The following VPS13B variants were observed in gnomAD, a reference collection of about 807,000 sequenced individuals.
VPS13B encodes the protein vacuolar protein sorting 13 homolog B.
In VPS13B, 285 loss-of-function variants were observed where a neutral mutation model predicts 426.4. That is an observed-to-expected ratio of 0.67 (90% CI 0.61 to 0.74). VPS13B has a LOEUF of 0.74. Among genes scored for constraint, VPS13B ranks in the 30% least tolerant of loss-of-function variants. The pLI, the probability that VPS13B is intolerant of heterozygous loss-of-function variation, is 0.00. For missense variants in VPS13B, 4,537 were observed against 4,782.6 expected, an observed-to-expected ratio of 0.95 and a Z score of 1.51; for synonymous variants, 1,676 against 1,676.4, an observed-to-expected ratio of 1.00 and a Z score of 0.01.
intron 17 of VPS13B, among the ~76,000 whole-genome samples, chr8:99,259,083 A>G (rs1817913885): frequency 6.6e-6 from 1 of 152,036 alleles, no homozygotes; most frequent in African/African-American, 2.4e-5. Flanking sequence ...ACCACTGCCC[A>G]TTTATTATTC....
intron 19 of VPS13B, among the ~76,000 whole-genome samples, chr8:99,281,343 T>C (rs1294115814): frequency 1.3e-5 from 2 of 152,142 alleles, no homozygotes; most frequent in African/African-American, 4.8e-5. Context: ...GATCGATAGG[T>C]CTTTTTTGTT....
At chr8:99,512,344 G>A (rs3134171) in intron 29 of VPS13B, among the ~76,000 whole-genome samples, 26,535 of 152,140 alleles carry the variant, frequency 0.17, 2,838 homozygotes, top group East Asian at 0.39. Context: ...TAAACAACTC[G>A]CTAACCAGAA....
intron 5 of VPS13B, among the ~76,000 whole-genome samples, chr8:99,109,083 T>C (rs1023533357): frequency 4.6e-5 from 7 of 152,132 alleles, no homozygotes; most frequent in African/African-American, 9.6e-5. Context: ...TTCTTATATG[T>C]TGTATTTTGG....
At position 99,487,528 on chromosome 8, in the gene VPS13B, A is replaced by G. The variant is rs548961020; in HGVS notation, c.3870+5726A>G. Reference sequence around the variant, plus strand: ...GGCATTAGGCACACTCACAGTGCGTAGCATAACCACTATCTATTTCTAGAA... The same window carrying G: ...GGCATTAGGCACACTCACAGTGCGTGGCATAACCACTATCTATTTCTAGAA... On this transcript the variant is annotated intron_variant, in intron 25 of 61. Coordinates refer to ENST00000357162, the MANE Select transcript of VPS13B (RefSeq NM_152564.5). Among the ~76,000 whole-genome samples, 3 of 152,306 alleles carry G rather than the reference A, an allele frequency of 2.0e-5. No individual in the cohort carries two copies. In the South Asian group the frequency reaches 6.2e-4, roughly 32 times the overall value.
chr8:99,360,820 T>C (rs1247851041), intron 19 of VPS13B, among the ~76,000 whole-genome samples: 1 of 152,180 alleles, frequency 6.6e-6, no homozygotes, highest in Non-Finnish European at 1.5e-5. Context: ...AAGTTCTTAG[T>C]CATTTTCAAA....
intron 30 of VPS13B, chr8:99,536,586 A>T: frequency 1.9e-6 from 1 of 524,312 alleles, no homozygotes; most frequent in Middle Eastern, 3.4e-4. Context: ...TCTGTAAAGG[A>T]AATAATGTTT....
Position 99,720,932 on chromosome 8 carries a change from T to C in VPS13B, c.6935T>C (p.Met2312Thr). 6.8e-6 allele frequency: 11 copies of C among 1,614,034 alleles called. No individual in the cohort carries two copies. The highest frequency in any genetic ancestry group is 9.3e-6 in the Non-Finnish European group (11 of 1,179,932). ...GAAACTGAAGATTGCCCAGGGATGA[T>C]GTTATGGAGATATCCAGAACCTAGA... ...YNETEDCPGM[M>T]LWRYPEPRVL... Residue 2312 changes from methionine (M) to threonine (T), a missense_variant, in exon 39 of 62, where the codon ATG becomes ACG. Met to Thr is a moderately conservative substitution (Grantham distance 81). Around this residue, in one of 2 missense-constraint regions of VPS13B, gnomAD observed 4,311 missense variants for 4,474.3 expected, o/e 0.96. Coordinates refer to ENST00000357162, the MANE Select transcript of VPS13B (RefSeq NM_152564.5).
chr8:99,700,297 A>G lies in VPS13B; in HGVS notation c.6454+365A>G, dbSNP rs796808473. Among the ~76,000 whole-genome samples the G allele has an allele frequency of 2.5e-4, 38 of 152,332 alleles. 1 individual carries two copies. Among genetic ancestry groups the G allele is most frequent in the Middle Eastern group, 3.4e-3 (1 of 294 alleles). ...TGATCTCTGGACTAGCAGCATCAGCATCACCTGGGAAATTGTTACAAATGC... is the reference window on the plus strand; with the variant it reads ...TGATCTCTGGACTAGCAGCATCAGCGTCACCTGGGAAATTGTTACAAATGC... On this transcript the variant is annotated intron_variant, in intron 36 of 61. Transcript: ENST00000357162.
At chr8:99,303,512 T>C (rs991783049) in intron 19 of VPS13B, among the ~76,000 whole-genome samples, 1 of 151,576 alleles carries the variant, frequency 6.6e-6, no homozygotes, top group Non-Finnish European at 1.5e-5. Context: ...CTAGATTCAG[T>C]AAAATTCCAG....
At chr8:99,203,316 C>T (rs896015861) in intron 17 of VPS13B, among the ~76,000 whole-genome samples, 1 of 152,122 alleles carries the variant, frequency 6.6e-6, no homozygotes, top group Non-Finnish European at 1.5e-5. Flanking sequence ...TTCAACTCCC[C>T]TTCATCTAAA....
intron 3 of VPS13B, among the ~76,000 whole-genome samples, chr8:99,042,561 AT>A (rs1843009729): frequency 1.3e-5 from 2 of 152,198 alleles, no homozygotes; most frequent in African/African-American, 4.8e-5. Flanking sequence ...TATATGTAGT[AT>A]TTTAAATTCA....
At chr8:99,726,418 T>C (rs896361126) in intron 39 of VPS13B, among the ~76,000 whole-genome samples, 1 of 152,216 alleles carries the variant, frequency 6.6e-6, no homozygotes, top group African/African-American at 2.4e-5. Flanking sequence ...TCCTCTCTCC[T>C]AATCCTCCTG....
intron 19 of VPS13B, among the ~76,000 whole-genome samples, chr8:99,345,456 A>G (rs1811486168): frequency 6.6e-6 from 1 of 152,222 alleles, no homozygotes; most frequent in Admixed American, 6.5e-5. Flanking sequence ...TGGGCTATAT[A>G]AAGGAATGAG....
intron 17 of VPS13B, among the ~76,000 whole-genome samples, chr8:99,200,420 C>T (rs1031264937): frequency 6.6e-6 from 1 of 151,782 alleles, no homozygotes; most frequent in East Asian, 1.9e-4. Context: ...GTATATATAC[C>T]TATAAATATA....
chr8:99,816,363 A>G (rs1467655317), intron 44 of VPS13B, among the ~76,000 whole-genome samples: 2 of 152,112 alleles, frequency 1.3e-5, no homozygotes, highest in East Asian at 1.9e-4. Context: ...TGGCCTCCCA[A>G]ACTGCTGGGA....
At chr8:99,017,799 T>G (rs2132140197) in intron 2 of VPS13B, among the ~76,000 whole-genome samples, 1 of 152,288 alleles carries the variant, frequency 6.6e-6, no homozygotes, top group East Asian at 1.9e-4. Flanking sequence ...GCCTATCATA[T>G]ACATTTTAAT....
intron 51 of VPS13B, among the ~76,000 whole-genome samples, chr8:99,827,131 T>C (rs1814736103): frequency 6.6e-6 from 1 of 152,194 alleles, no homozygotes; most frequent in South Asian, 2.1e-4. Flanking sequence ...TTTGGAATAG[T>C]TTCAGAAGGA....
chr8:99,045,287 C>T (rs1322289787), intron 3 of VPS13B, among the ~76,000 whole-genome samples: 1 of 152,048 alleles, frequency 6.6e-6, no homozygotes, highest in African/African-American at 2.4e-5. Context: ...TTTTGATTTG[C>T]GTTTCCCTGA....
intron 17 of VPS13B, among the ~76,000 whole-genome samples, chr8:99,224,407 C>A (rs1156757635): frequency 6.6e-6 from 1 of 152,082 alleles, no homozygotes; most frequent in African/African-American, 2.4e-5. Context: ...CATGGGAAAT[C>A]TTATAGTACT....
Sources: gnomAD v4.1 joint callset for allele counts (sites outside exome capture counted in the v4.1 genomes callset) on GRCh38, gnomAD v4.1.1 for gene constraint, gnomAD v4.1.1 regional missense constraint, MANE v1.5 for transcripts, NCBI Gene and HGNC (gene_info 2026-07-23, HGNC 2026-07-21) for gene names.